Variants in ANXA8 observed in about 807,000 individuals in gnomAD.
The protein encoded by ANXA8 is VAC-beta.
Under a neutral mutation model 26.8 loss-of-function variants are expected in ANXA8, and 9 were observed. The observed-to-expected ratio is 0.34, with a 90% CI of 0.20 to 0.59. ANXA8 has a LOEUF of 0.59. ANXA8 is among the 20% of genes least tolerant of loss of function. The pLI is 0.84. For missense variants in ANXA8, 83 were observed against 238.5 expected, an observed-to-expected ratio of 0.35 and a Z score of 4.29; for synonymous variants, 39 against 94.8, an observed-to-expected ratio of 0.41 and a Z score of 3.42.
intron 11 of ANXA8, among the ~76,000 whole-genome samples, chr10:47,470,234 C>G (rs1274199886): frequency 6.6e-6 from 1 of 151,746 alleles, no homozygotes; most frequent in East Asian, 1.9e-4. Context: ...GTGGTCTACA[C>G]TAAAAAGAAA....
the ANXA8 span, among the ~76,000 whole-genome samples, chr10:47,607,458 T>G: frequency 7.3e-5 from 11 of 150,698 alleles, no homozygotes; most frequent in South Asian, 6.2e-4. Flanking sequence ...GTAAGTAAAA[T>G]TACATTCTGT....
At chr10:47,735,384 T>C in the ANXA8 span, among the ~76,000 whole-genome samples, 1 of 148,472 alleles carries the variant, frequency 6.7e-6, no homozygotes. Context: ...CGTGAGCCAC[T>C]GCACCAGGCC....
chr10:47,525,609 G>T, the ANXA8 span, among the ~76,000 whole-genome samples: 1 of 137,304 alleles, frequency 7.3e-6, no homozygotes, highest in South Asian at 2.3e-4. Context: ...AAAGGTAGAA[G>T]TCAAGCTTGG....
chr10:47,628,623 C>T, the ANXA8 span, among the ~76,000 whole-genome samples: 1 of 149,856 alleles, frequency 6.7e-6, no homozygotes. Flanking sequence ...TTTTTAGCTC[C>T]CTTCTGTCAG....
At chr10:47,573,386 C>T in the ANXA8 span, among the ~76,000 whole-genome samples, 13 of 149,256 alleles carry the variant, frequency 8.7e-5, no homozygotes, top group Admixed American at 8.7e-4. Context: ...CTGCCTCAGC[C>T]TCCCAAAGTG....
chr10:47,709,548 C>T, the ANXA8 span, among the ~76,000 whole-genome samples: 1 of 148,878 alleles, frequency 6.7e-6, no homozygotes, highest in East Asian at 1.9e-4. Context: ...ATTTAAAAGA[C>T]ATAGTAACTG....
At chr10:47,777,958 C>G in the ANXA8 span, among the ~76,000 whole-genome samples, 2 of 151,468 alleles carry the variant, frequency 1.3e-5, no homozygotes, top group Non-Finnish European at 2.9e-5. Context: ...TTTGCAGGTG[C>G]AGGTTTGGTG....
the ANXA8 span, chr10:47,520,507 T>C: frequency 2.0e-6 from 3 of 1,513,178 alleles, 1 homozygote; most frequent in Non-Finnish European, 2.6e-6. Flanking sequence ...ACCATCTGTT[T>C]GAGAGTTCCT....
the ANXA8 span, among the ~76,000 whole-genome samples, chr10:47,735,044 T>TA: frequency 1.1e-3 from 154 of 144,096 alleles, no homozygotes; most frequent in Admixed American, 1.7e-3. Context: ...ATTATAAACT[T>TA]AAAAAAAAAA....
chr10:47,881,768 TTGTA>T, the ANXA8 span, among the ~76,000 whole-genome samples: 12 of 102,952 alleles, frequency 1.2e-4, no homozygotes, highest in East Asian at 4.2e-3. Context: ...GTGCAGGAGT[TTGTA>T]TGTGTGAACA....
rs2132429878 is a variant in ANXA8, at chr10:47,482,199, C to T, written c.21+1714G>A. Among the ~76,000 whole-genome samples, 2 of 132,400 alleles carry T rather than the reference C, an allele frequency of 1.5e-5. 1 individual carries two copies. The highest frequency in any genetic ancestry group is 6.3e-5 in the African/African-American group (2 of 31,732). 86.9% of individuals were successfully genotyped at this position (132,400 alleles called of 152,430 possible). On this transcript the variant is annotated intron_variant, in intron 1 of 11. Transcript: ENST00000585281. ...GCTCAGCTGTTGCAGGTGGGGTCTA[C>T]CTGTGAACTTGCTACCCCTAGCCAG...
At chr10:47,587,336 T>C in the ANXA8 span, among the ~76,000 whole-genome samples, 2 of 148,896 alleles carry the variant, frequency 1.3e-5, no homozygotes, top group African/African-American at 2.6e-5. Context: ...ATTTTATAGA[T>C]GTAATTTTCA....
chr10:47,681,325 C>T, the ANXA8 span, among the ~76,000 whole-genome samples: 3 of 150,132 alleles, frequency 2.0e-5, no homozygotes, highest in Non-Finnish European at 4.4e-5. Context: ...TATGACTTTT[C>T]ACAAAGGAAT....
the ANXA8 span, among the ~76,000 whole-genome samples, chr10:47,584,859 G>C: frequency 1.5e-5 from 2 of 137,068 alleles, no homozygotes; most frequent in Non-Finnish European, 3.0e-5. Context: ...AGGCCAAGGC[G>C]GGTGGATCAC....
chr10:47,484,020 G>A lies in ANXA8; in HGVS notation c.-87C>T. The A allele has an allele frequency of 6.2e-7, 1 of 1,611,592 alleles. No individual in the cohort carries two copies. The highest frequency in any genetic ancestry group is 8.5e-7 in the Non-Finnish European group (1 of 1,179,790). Reference sequence around the variant, plus strand: ...GGACTCCACACGTCTGGCTCCTGCAGCTGAGGAGTGAGCAGGCCGCTCACT... The same window carrying A: ...GGACTCCACACGTCTGGCTCCTGCAACTGAGGAGTGAGCAGGCCGCTCACT... On this transcript the variant is annotated 5_prime_UTR_variant, in exon 1 of 12. Transcript: ENST00000585281.
the ANXA8 span, among the ~76,000 whole-genome samples, chr10:47,700,221 G>T: frequency 6.6e-6 from 1 of 151,970 alleles, no homozygotes; most frequent in East Asian, 1.9e-4. Context: ...AACTACAGAG[G>T]AGGGGAACTA....
At chr10:47,684,530 T>C in the ANXA8 span, among the ~76,000 whole-genome samples, 1 of 151,944 alleles carries the variant, frequency 6.6e-6, no homozygotes, top group Non-Finnish European at 1.5e-5. Context: ...TGGTCCAGGA[T>C]GGCTTTAAAT....
At chr10:47,683,259 C>T in the ANXA8 span, among the ~76,000 whole-genome samples, 8 of 116,160 alleles carry the variant, frequency 6.9e-5, no homozygotes, top group South Asian at 2.6e-4. Context: ...GATGGAGTCT[C>T]GCTTTGTTGC....
the ANXA8 span, among the ~76,000 whole-genome samples, chr10:47,606,406 T>C: frequency 1.4e-5 from 2 of 145,440 alleles, no homozygotes; most frequent in African/African-American, 5.3e-5. Flanking sequence ...GGGTATTCCC[T>C]CTGGAACACC....
Sources: gnomAD v4.1 joint callset for allele counts (sites outside exome capture counted in the v4.1 genomes callset) on GRCh38, gnomAD v4.1.1 for gene constraint, MANE v1.5 for transcripts, NCBI Gene and HGNC (gene_info 2026-07-23, HGNC 2026-07-21) for gene names.